The following AFAP1L1 variants were observed in gnomAD, a reference collection of about 807,000 sequenced individuals.
The protein encoded by AFAP1L1 is actin filament-associated protein 1-like 1.
A neutral mutation model predicts 99.8 loss-of-function variants in AFAP1L1; 77 were observed. The observed-to-expected ratio is 0.77, with a 90% CI of 0.64 to 0.93. The LOEUF (loss-of-function observed/expected upper bound fraction) is 0.93, where lower values mean the gene tolerates loss of function less well. Ranked by LOEUF, AFAP1L1 falls within the 40% of genes least tolerant of loss-of-function variation. The probability of loss-of-function intolerance (pLI) is 0.00; values close to 1 mark genes in which losing one functional copy is unlikely to be tolerated. For synonymous variants in AFAP1L1, 373 were observed against 395.3 expected, an observed-to-expected ratio of 0.94 and a Z score of 0.67; for missense variants, 893 against 996.8, an observed-to-expected ratio of 0.90 and a Z score of 1.40.
chr5:149,272,026 C>G, intron 1 of AFAP1L1, 42 bp downstream of exon 1: 1 of 1,216,244 alleles, frequency 8.2e-7, no homozygotes, highest in South Asian at 4.2e-5. Context: ...CGGCGCCGGG[C>G]GGGAAAGGGA....
intron 17 of AFAP1L1, among the ~76,000 whole-genome samples, chr5:149,334,606 G>A (rs1484880511): frequency 6.6e-6 from 1 of 152,170 alleles, no homozygotes; most frequent in Non-Finnish European, 1.5e-5. Context: ...GAATACAGGA[G>A]AGAGGTTAAA....
At chr5:149,274,323 G>A (rs1183905534) in intron 1 of AFAP1L1, among the ~76,000 whole-genome samples, 1 of 152,164 alleles carries the variant, frequency 6.6e-6, no homozygotes, top group African/African-American at 2.4e-5. Flanking sequence ...TACTTGTACA[G>A]CAATACTTAG....
At chr5:149,324,160 A>G (rs1757029872) in intron 15 of AFAP1L1, among the ~76,000 whole-genome samples, 1 of 152,184 alleles carries the variant, frequency 6.6e-6, no homozygotes, top group Non-Finnish European at 1.5e-5. Flanking sequence ...TGAAGAAAAT[A>G]AAAGGGAAGA....
chr5:149,305,698 C>T (rs1756383647), intron 5 of AFAP1L1, among the ~76,000 whole-genome samples: 1 of 152,148 alleles, frequency 6.6e-6, no homozygotes, highest in South Asian at 2.1e-4. Context: ...CACTATTATG[C>T]ACGATATTAT....
At position 149,300,367 on chromosome 5, in the gene AFAP1L1, C is replaced by A; in HGVS notation, c.229+13C>A. On this transcript the variant is annotated intron_variant, in intron 3 of 18. Transcript: ENST00000296721. ...TTTGAAGAATTTGGTAAGTGACCCT[C>A]TCCCAACCTCAGCTACGGAGCCATC... The A allele has an allele frequency of 1.2e-6, 2 of 1,608,986 alleles. No individual in the cohort carries two copies. The highest frequency in any genetic ancestry group is 1.7e-6 in the Non-Finnish European group (2 of 1,176,572).
chr5:149,330,908 T>C (rs1757236748), intron 16 of AFAP1L1, among the ~76,000 whole-genome samples: 1 of 152,150 alleles, frequency 6.6e-6, no homozygotes, highest in Non-Finnish European at 1.5e-5. Context: ...GCCTGATACA[T>C]GGTAAGCATT....
chr5:149,316,095 T>G, intron 10 of AFAP1L1, 56 bp from the exon 11 acceptor site: 1 of 1,594,410 alleles, frequency 6.3e-7, no homozygotes, highest in Non-Finnish European at 8.6e-7. Context: ...CAAGGAAGAC[T>G]AAGGATGGGT....
chr5:149,274,285 C>T (rs1755239617), intron 1 of AFAP1L1, among the ~76,000 whole-genome samples: 1 of 152,224 alleles, frequency 6.6e-6, no homozygotes, highest in Admixed American at 6.5e-5. Context: ...TAAAATACAA[C>T]ACACTTTATA....
intron 11 of AFAP1L1, 85 bp downstream of exon 11, chr5:149,316,388 G>T: frequency 2.0e-6 from 3 of 1,501,146 alleles, no homozygotes; most frequent in Non-Finnish European, 2.7e-6. Flanking sequence ...CTCATGCCTC[G>T]TCCACCTCAC....
intron 3 of AFAP1L1, among the ~76,000 whole-genome samples, chr5:149,300,769 GA>G (rs1323629270): frequency 1.3e-5 from 2 of 152,264 alleles, no homozygotes; most frequent in Non-Finnish European, 2.9e-5. Flanking sequence ...TATCCTGAGG[GA>G]AGACAGCTCT....
chr5:149,308,093 G>C (rs763714833), intron 7 of AFAP1L1, among the ~76,000 whole-genome samples: 1 of 151,798 alleles, frequency 6.6e-6, no homozygotes, highest in East Asian at 1.9e-4. Context: ...AGGTTGCAGT[G>C]AACCGAGATC....
At chr5:149,278,820 T>G (rs1279896024) in intron 1 of AFAP1L1, among the ~76,000 whole-genome samples, 2 of 152,350 alleles carry the variant, frequency 1.3e-5, no homozygotes, top group East Asian at 1.9e-4. Flanking sequence ...CTTCTTGCTC[T>G]GTCTTTTGTG....
intron 1 of AFAP1L1, among the ~76,000 whole-genome samples, chr5:149,272,478 G>A (rs1292976132): frequency 1.3e-5 from 2 of 152,138 alleles, no homozygotes; most frequent in African/African-American, 4.8e-5. Flanking sequence ...GCCAGGGAGG[G>A]AGGAGGCGGG....
intron 1 of AFAP1L1, among the ~76,000 whole-genome samples, chr5:149,288,611 C>T (rs1623904): frequency 0.8 from 121,933 of 152,104 alleles, 50,087 homozygotes; most frequent in Non-Finnish European, 0.89. Context: ...TCACAGTTTT[C>T]CACTTCCTCC....
intron 1 of AFAP1L1, among the ~76,000 whole-genome samples, chr5:149,278,789 T>C (rs1477889444): frequency 2.0e-5 from 3 of 152,202 alleles, no homozygotes; most frequent in Non-Finnish European, 4.4e-5. Flanking sequence ...TGCTCTATCT[T>C]CCCTCTTGCT....
At chr5:149,301,023 G>T in intron 3 of AFAP1L1, 110 bp from the exon 4 acceptor site, 1 of 815,414 alleles carries the variant, frequency 1.2e-6, no homozygotes, top group South Asian at 1.7e-5. Context: ...CGGAGGGGTG[G>T]TGGAGCCCGA....
chr5:149,299,257 C>A (rs1756110387), intron 1 of AFAP1L1, among the ~76,000 whole-genome samples: 1 of 152,174 alleles, frequency 6.6e-6, no homozygotes. Flanking sequence ...CAGGGAGGTC[C>A]AGTCCTTGGG....
chr5:149,330,930 T>C (rs187771297), intron 16 of AFAP1L1, among the ~76,000 whole-genome samples: 5 of 151,856 alleles, frequency 3.3e-5, no homozygotes, highest in African/African-American at 1.2e-4. Context: ...TTAAAAAAAA[T>C]TTTTTTTTAA....
At chr5:149,309,155 C>T (rs893707444) in intron 7 of AFAP1L1, among the ~76,000 whole-genome samples, 19 of 152,064 alleles carry the variant, frequency 1.2e-4, no homozygotes, top group Admixed American at 6.5e-5. Context: ...ATGACATTTG[C>T]TGTGGGTTGT....
Sources: allele counts gnomAD v4.1 joint callset (sites outside exome capture counted in the v4.1 genomes callset), GRCh38; gene constraint gnomAD v4.1.1; transcripts MANE v1.5; gene names NCBI Gene and HGNC (gene_info 2026-07-23, HGNC 2026-07-21).